CFAP20DC: variants seen among roughly 807,000 people sequenced by gnomAD.
CFAP20DC encodes the protein protein CFAP20DC.
In CFAP20DC, 84 loss-of-function variants were observed where a neutral mutation model predicts 101.7. The observed-to-expected ratio is 0.83, with a 90% confidence interval of 0.69 to 0.99. The LOEUF (loss-of-function observed/expected upper bound fraction) is 0.99, where lower values mean the gene tolerates loss of function less well. Ranked by LOEUF, CFAP20DC falls within the 50% of genes least tolerant of loss-of-function variation. CFAP20DC has a pLI of 0.00. For missense variants in CFAP20DC, 1,007 were observed against 970.3 expected (o/e 1.04, Z -0.50); for synonymous variants, 359 against 351.2 (o/e 1.02, Z -0.25).
At position 58,816,381 on chromosome 3, in the gene CFAP20DC, G is replaced by A. The variant is rs547523929; in HGVS notation, c.2176-9925C>T. Among the ~76,000 whole-genome samples the A allele has an allele frequency of 1.7e-4, 26 of 152,250 alleles. No individual in the cohort carries two copies. The East Asian group carries it at 3.5e-3, about 20-fold the overall frequency. ...CTTCTGCATTTCCATCTGAGGTACCGGGTTTATCTCACTAGGGAGTGCCAG... is the reference window on the plus strand; with the variant it reads ...CTTCTGCATTTCCATCTGAGGTACCAGGTTTATCTCACTAGGGAGTGCCAG... On this transcript the variant is annotated intron_variant, in intron 14 of 16. Coordinates refer to ENST00000482387, the MANE Select transcript of CFAP20DC (RefSeq NM_001394063.1).
intron 4 of CFAP20DC, among the ~76,000 whole-genome samples, chr3:58,950,925 C>G (rs549133996): frequency 6.6e-6 from 1 of 152,252 alleles, no homozygotes; most frequent in East Asian, 1.9e-4. Context: ...TCTAATTAAA[C>G]TAAAAGCTTC....
chr3:59,017,480 G>A (rs1175725513), intron 4 of CFAP20DC: 1 of 152,104 alleles, frequency 6.6e-6, no homozygotes, highest in Non-Finnish European at 1.5e-5. Context: ...ATTAACTCAA[G>A]TGCCTTTTGG....
intron 15 of CFAP20DC, among the ~76,000 whole-genome samples, chr3:58,778,720 G>C (rs1263287632): frequency 6.6e-6 from 1 of 152,170 alleles, no homozygotes; most frequent in African/African-American, 2.4e-5. Context: ...CCAAATACAG[G>C]CATGGTCAGC....
chr3:58,897,217 G>T lies in CFAP20DC; in HGVS notation c.551-12508C>A, dbSNP rs1394378010. 1.3e-5 allele frequency among the ~76,000 whole-genome samples: 2 copies of T among 152,002 alleles called. No homozygotes were observed. Among genetic ancestry groups the T allele is most frequent in the Admixed American group, 1.3e-4 (2 of 15,258 alleles). ...AGGATTGCAACCCCTGCTTTTTTCTGTTTTCCATTTGCTTGGTAAATTTTC... is the reference window on the plus strand; with the variant it reads ...AGGATTGCAACCCCTGCTTTTTTCTTTTTTCCATTTGCTTGGTAAATTTTC... On this transcript the variant is annotated intron_variant, in intron 6 of 16. Coordinates refer to ENST00000482387, the MANE Select transcript of CFAP20DC (RefSeq NM_001394063.1). This position sits in a 1 kb window ranked among gnomAD's most constrained non-coding sequence, Gnocchi z 4.4.
rs775430600 is a variant in CFAP20DC, at chr3:58,870,334, A to G, written c.716-25T>C. ...TCTGTTTTGTTAAAGGAAGGTAATAATAGTCCATTAATGGGTGTAATGACA... is the reference window on the plus strand; with the variant it reads ...TCTGTTTTGTTAAAGGAAGGTAATAGTAGTCCATTAATGGGTGTAATGACA... On this transcript the variant is annotated intron_variant, in intron 7 of 16. Coordinates refer to ENST00000482387, the MANE Select transcript of CFAP20DC (RefSeq NM_001394063.1). The G allele has an allele frequency of 2.5e-6, 4 of 1,608,838 alleles. No individual in the cohort carries two copies. In the South Asian group the frequency reaches 3.3e-5, roughly 13 times the overall value.
At chr3:58,944,462 TC>T (rs1370489569) in intron 4 of CFAP20DC, among the ~76,000 whole-genome samples, 1 of 152,210 alleles carries the variant, frequency 6.6e-6, no homozygotes, top group Non-Finnish European at 1.5e-5. Flanking sequence ...TACCATTCTG[TC>T]TTTGAACTTA....
intron 12 of CFAP20DC, among the ~76,000 whole-genome samples, chr3:58,853,165 C>T (rs2078419096): frequency 6.6e-6 from 1 of 152,076 alleles, no homozygotes; most frequent in African/African-American, 2.4e-5. Context: ...ACCACTGATC[C>T]CACAGAAATA....
At chr3:58,807,629 C>G (rs951968091) in intron 14 of CFAP20DC, among the ~76,000 whole-genome samples, 4 of 152,128 alleles carry the variant, frequency 2.6e-5, no homozygotes, top group Non-Finnish European at 5.9e-5. Context: ...AAACAGAGCA[C>G]AAAAACTGGA....
At chr3:58,848,795 A>G (rs1185451535) in intron 13 of CFAP20DC, among the ~76,000 whole-genome samples, 1 of 152,218 alleles carries the variant, frequency 6.6e-6, no homozygotes, top group Non-Finnish European at 1.5e-5. Context: ...GTTATGATGA[A>G]AATTACATAA....
At chr3:58,953,155 G>A (rs1234023893) in intron 4 of CFAP20DC, among the ~76,000 whole-genome samples, 1 of 152,164 alleles carries the variant, frequency 6.6e-6, no homozygotes, top group Non-Finnish European at 1.5e-5. Flanking sequence ...GTTGAGCGAA[G>A]TAGAGGTAGG....
chr3:58,854,070 G>T (rs2078521939), intron 12 of CFAP20DC, among the ~76,000 whole-genome samples: 1 of 152,108 alleles, frequency 6.6e-6, no homozygotes, highest in South Asian at 2.1e-4. Flanking sequence ...CGACATGATT[G>T]TATATCTAGA....
intron 15 of CFAP20DC, among the ~76,000 whole-genome samples, chr3:58,766,746 C>G (rs76941049): frequency 9.8e-5 from 15 of 152,324 alleles, no homozygotes; most frequent in Non-Finnish European, 1.5e-4. Flanking sequence ...CTGGTCTTCT[C>G]TGTTCCTAGA....
intron 14 of CFAP20DC, among the ~76,000 whole-genome samples, chr3:58,808,380 A>C (rs968095062): frequency 3.9e-5 from 6 of 152,256 alleles, no homozygotes; most frequent in African/African-American, 1.4e-4. Flanking sequence ...CAGAAATTCT[A>C]CAAGCCAGAA....
chr3:59,046,413 A>C (rs1699865786), intron 2 of CFAP20DC, 91 bp from the exon 3 acceptor site: 6 of 792,810 alleles, frequency 7.6e-6, no homozygotes, highest in Non-Finnish European at 7.9e-6. Flanking sequence ...AGGGAAAAAA[A>C]AATCCCATAT....
At chr3:59,036,583 A>G (rs2094108141) in intron 4 of CFAP20DC, among the ~76,000 whole-genome samples, 1 of 152,216 alleles carries the variant, frequency 6.6e-6, no homozygotes, top group South Asian at 2.1e-4. Flanking sequence ...AATAAAACTT[A>G]CAAGGGATGT....
Position 58,721,986 on chromosome 3 carries a change from A to G in CFAP20DC, c.198-4358T>C, listed in dbSNP as rs182012206. Among the ~76,000 whole-genome samples the G allele has an allele frequency of 1.4e-4, 21 of 152,304 alleles. 1 individual carries two copies. The highest frequency in any genetic ancestry group is 6.5e-4 in the Admixed American group (10 of 15,306). Reference sequence around the variant, plus strand: ...TAACCAAGAGGATGTGGTGGAAGAGAAGCTGTGTGACTTCTGGGACTAGTT... The same window carrying G: ...TAACCAAGAGGATGTGGTGGAAGAGGAGCTGTGTGACTTCTGGGACTAGTT... On this transcript the variant is annotated intron_variant, in intron 3 of 3. Coordinates refer to the CFAP20DC transcript ENST00000486145. The surrounding 1 kb of genome is among the most constrained non-coding windows in gnomAD (Gnocchi z 5.2).
chr3:58,852,966 GC>G (rs2078394786), intron 12 of CFAP20DC, among the ~76,000 whole-genome samples: 1 of 151,998 alleles, frequency 6.6e-6, no homozygotes, highest in South Asian at 2.1e-4. Flanking sequence ...CTAGCAGAAG[GC>G]AAGAAATAAC....
At position 58,892,552 on chromosome 3, in the gene CFAP20DC, C is replaced by T. The variant is rs528744863; in HGVS notation, c.551-7843G>A. The stretch of plus-strand genomic sequence containing the variant: ...CCTCCTTGAAGAGGTCCTTCAATTC[C>T]TTTGTTAATTGTATTCCTAGATATT... On this transcript the variant is annotated intron_variant, in intron 6 of 16. Coordinates refer to ENST00000482387, the MANE Select transcript of CFAP20DC (RefSeq NM_001394063.1). The surrounding 1 kb of genome is among the most constrained non-coding windows in gnomAD (Gnocchi z 4.0). Among the ~76,000 whole-genome samples, 1 of 152,228 alleles carries T rather than the reference C, an allele frequency of 6.6e-6. No homozygotes were observed. The highest frequency in any genetic ancestry group is 1.9e-4 in the East Asian group (1 of 5,172).
chr3:58,720,590 C>T (rs779215074), intron 3 of CFAP20DC, among the ~76,000 whole-genome samples: 9 of 152,188 alleles, frequency 5.9e-5, no homozygotes, highest in African/African-American at 1.4e-4. Context: ...CTGCCAGTCG[C>T]ACATTATTGT....
Sources: gnomAD v4.1 joint callset for allele counts (sites outside exome capture counted in the v4.1 genomes callset) on GRCh38, gnomAD v4.1.1 for gene constraint, Gnocchi (gnomAD v3.1) non-coding constraint, MANE v1.5 for transcripts, NCBI Gene and HGNC (gene_info 2026-07-23, HGNC 2026-07-21) for gene names.